The following CCDC88C variants were observed in gnomAD, a reference collection of about 807,000 sequenced individuals.
The protein encoded by CCDC88C is coiled-coil and HOOK domain protein 88C.
CCDC88C carries 131 observed loss-of-function variants against 198.8 expected under a neutral mutation model. The observed-to-expected ratio is 0.66, with a 90% CI of 0.57 to 0.76. CCDC88C has a LOEUF of 0.76. Ranked by LOEUF, CCDC88C falls within the 30% of genes least tolerant of loss-of-function variation. CCDC88C has a pLI of 0.00. For missense variants in CCDC88C, 2,553 were observed against 2,631.6 expected (o/e 0.97, Z 0.65); for synonymous variants, 1,166 against 1,114.7 (o/e 1.05, Z -0.92).
Position 91,305,945 on chromosome 14 carries a change from T to A in CCDC88C, c.3196-19A>T. 6.2e-7 allele frequency: 1 copy of A among 1,607,710 alleles called. No homozygotes were observed. Among genetic ancestry groups the A allele is most frequent in the Non-Finnish European group, 8.5e-7 (1 of 1,176,864 alleles). The stretch of plus-strand genomic sequence containing the variant: ...CTGCATTCTAGAAGATCGGGAGGCA[T>A]GAGCGAATCAAACTCCAACTGGGTA... On this transcript the variant is annotated intron_variant, in intron 18 of 29. Coordinates refer to ENST00000389857, the MANE Select transcript of CCDC88C (RefSeq NM_001080414.4).
At chr14:91,378,107 C>A (rs1884563442) in intron 3 of CCDC88C, among the ~76,000 whole-genome samples, 1 of 152,184 alleles carries the variant, frequency 6.6e-6, no homozygotes, top group African/African-American at 2.4e-5. Context: ...AAGACACACG[C>A]ACATGTGGAA....
chr14:91,388,592 C>T (rs1214748090), intron 3 of CCDC88C, among the ~76,000 whole-genome samples: 1 of 152,196 alleles, frequency 6.6e-6, no homozygotes, highest in Non-Finnish European at 1.5e-5. Flanking sequence ...TTAACTCAGA[C>T]GCTCACAGTA....
intron 3 of CCDC88C, among the ~76,000 whole-genome samples, chr14:91,372,856 G>A (rs897293621): frequency 3.3e-5 from 5 of 152,172 alleles, no homozygotes; most frequent in African/African-American, 4.8e-5. Flanking sequence ...TTAACCTAGC[G>A]ACAATCAAGC....
chr14:91,416,852 G>A lies in CCDC88C; in HGVS notation c.61-14C>T. 1 of 1,588,346 alleles carries A rather than the reference G, an allele frequency of 6.3e-7. No homozygotes were observed. The highest frequency in any genetic ancestry group is 8.6e-7 in the Non-Finnish European group (1 of 1,159,160). Reference sequence around the variant, plus strand: ...AAAAGTTTTCACCTGCGGGGAGGGGGACGAGGAGAGAAAGACAGGAAGTCA... The same window carrying A: ...AAAAGTTTTCACCTGCGGGGAGGGGAACGAGGAGAGAAAGACAGGAAGTCA... On this transcript the variant is annotated splice_polypyrimidine_tract_variant and intron_variant, in intron 1 of 29. Transcript: ENST00000389857.
intron 4 of CCDC88C, among the ~76,000 whole-genome samples, chr14:91,350,414 G>C (rs1166280367): frequency 6.6e-6 from 1 of 152,098 alleles, no homozygotes; most frequent in Non-Finnish European, 1.5e-5. Flanking sequence ...CATCCGTCTT[G>C]GCCTCCCAAA....
At chr14:91,326,812 C>G (rs1284636257) in intron 10 of CCDC88C, among the ~76,000 whole-genome samples, 2 of 152,216 alleles carry the variant, frequency 1.3e-5, no homozygotes, top group African/African-American at 2.4e-5. Context: ...CTGCTCCTAT[C>G]TGAGTATCTT....
At chr14:91,311,674 G>A (rs2139800561) in intron 15 of CCDC88C, among the ~76,000 whole-genome samples, 1 of 152,330 alleles carries the variant, frequency 6.6e-6, no homozygotes, top group East Asian at 1.9e-4. Context: ...CCACTCAGCT[G>A]CTGAAGCCAT....
rs372411289 is a variant in CCDC88C at position 91,337,996 on chromosome 14, G to A, written c.1050+9C>T. 2.0e-4 allele frequency: 316 copies of A among 1,609,204 alleles called. No homozygotes were observed. The highest frequency in any genetic ancestry group is 2.6e-4 in the Non-Finnish European group (301 of 1,179,848). The stretch of plus-strand genomic sequence containing the variant: ...CCCCATCCAGGGGCCTCACAGCAAG[G>A]CTCCCTACCTCCATGCGGGCCTTGT... On this transcript the variant is annotated intron_variant, in intron 10 of 29. Transcript: ENST00000389857.
At chr14:91,297,569 T>C in intron 21 of CCDC88C, 78 bp from the exon 22 acceptor site, 1 of 1,431,158 alleles carries the variant, frequency 7.0e-7, no homozygotes, top group Non-Finnish European at 9.5e-7. Flanking sequence ...CTGGGCTATG[T>C]CCCAGCTCTG....
Position 91,288,938 on chromosome 14 carries a change from G to A in CCDC88C, c.4441+167C>T, listed in dbSNP as rs890611757. Reference sequence around the variant, plus strand: ...TAACAAAAGCATTATGGGACAAAACGGTCGCCACGCTGAATTTCTACTTGG... The same window carrying A: ...TAACAAAAGCATTATGGGACAAAACAGTCGCCACGCTGAATTTCTACTTGG... On this transcript the variant is annotated intron_variant, in intron 25 of 29. Transcript: ENST00000389857. The surrounding 1 kb of genome is among the most constrained non-coding windows in gnomAD (Gnocchi z 4.2). The A allele has an allele frequency of 8.5e-6, 5 of 591,708 alleles. No individual in the cohort carries two copies. Among genetic ancestry groups the A allele is most frequent in the South Asian group, 4.3e-5 (2 of 46,382 alleles). 36.7% of individuals were successfully genotyped at this position (591,708 alleles called of 1,614,324 possible).
At chr14:91,369,800 C>T (rs1013146680) in intron 3 of CCDC88C, among the ~76,000 whole-genome samples, 2 of 152,176 alleles carry the variant, frequency 1.3e-5, no homozygotes, top group Non-Finnish European at 2.9e-5. Flanking sequence ...CACCTCATTT[C>T]GATTAATCCT....
In CCDC88C at chr14:91,283,413, C is replaced by G. The variant is rs1890281909; in HGVS notation, c.4546G>C (p.Gly1516Arg). The G allele has an allele frequency of 1.2e-6, 2 of 1,613,676 alleles. No homozygotes were observed. Among genetic ancestry groups the G allele is most frequent in the East Asian group, 4.5e-5 (2 of 44,872 alleles). ...GCTGAAGTTGAGCAAGTCCGGGAGCCCAGCTCCGAGGGCCAGGACCTCATG... is the reference window on the plus strand; with the variant it reads ...GCTGAAGTTGAGCAAGTCCGGGAGCGCAGCTCCGAGGGCCAGGACCTCATG... Reference protein sequence around the residue: ...LAMRSWPSELGSRTCSTSATT... With the variant: ...LAMRSWPSELRSRTCSTSATT... The change falls in exon 26 of 30, where the codon GGC (glycine) becomes CGC (arginine). Residue 1516 changes from glycine (G) to arginine (R), a missense_variant. This residue lies in a region of CCDC88C where 1,293 missense variants were observed against 1,219.6 expected (regional missense o/e 1.06). Transcript: ENST00000389857.
At chr14:91,379,538 T>C (rs539132567) in intron 3 of CCDC88C, 1 of 480,130 alleles carries the variant, frequency 2.1e-6, no homozygotes, top group Admixed American at 3.7e-5. Context: ...TCTACTCCGG[T>C]GTTTCTCACT....
chr14:91,386,975 C>T (rs1427341585), intron 3 of CCDC88C, among the ~76,000 whole-genome samples: 3 of 152,210 alleles, frequency 2.0e-5, no homozygotes, highest in African/African-American at 7.2e-5. Flanking sequence ...AAGCGCCCAG[C>T]ACCATTCTAA....
At position 91,338,928 on chromosome 14, in the gene CCDC88C, G is replaced by C; in HGVS notation, c.809+350C>G. 1 of 477,522 alleles carries C rather than the reference G, an allele frequency of 2.1e-6. No individual in the cohort carries two copies. The highest frequency in any genetic ancestry group is 2.1e-5 in the South Asian group (1 of 46,828). The allele number at this position is 477,522 out of a possible 1,614,324, so 29.6% of individuals were successfully genotyped here. On this transcript the variant is annotated intron_variant, in intron 8 of 29. Transcript: ENST00000389857. This position sits in a 1 kb window ranked among gnomAD's most constrained non-coding sequence, Gnocchi z 4.8. ...GAGAACAGGCTCACCAGATTGGAGG[G>C]AAGGAGGGGCACCTCATCCCTCCAG...
Position 91,284,596 on chromosome 14 carries a change from G to A in CCDC88C, c.4442-1079C>T, listed in dbSNP as rs1026902903. ...AAAGCACAATTCCAACAGCATGCGC[G>A]GAAGGCAGGTCTGGAGGACCCGGCA... On this transcript the variant is annotated intron_variant, in intron 25 of 29. Transcript: ENST00000389857. The surrounding 1 kb of genome is among the most constrained non-coding windows in gnomAD (Gnocchi z 4.1). Among the ~76,000 whole-genome samples, 2 of 152,216 alleles carry A rather than the reference G, an allele frequency of 1.3e-5. No individual in the cohort carries two copies. Among genetic ancestry groups the A allele is most frequent in the African/African-American group, 4.8e-5 (2 of 41,454 alleles).
Position 91,326,059 on chromosome 14 carries a change from G to C in CCDC88C, c.1051-3C>G. ...ATGATATTATCTTCTCTCAGCTCCT[G>C]GTTAGCAAAAACATACATGAGAACC... On this transcript the variant is annotated splice_polypyrimidine_tract_variant and splice_region_variant and intron_variant, in intron 10 of 29. Coordinates refer to ENST00000389857, the MANE Select transcript of CCDC88C (RefSeq NM_001080414.4). 1 of 1,607,276 alleles carries C rather than the reference G, an allele frequency of 6.2e-7. No individual in the cohort carries two copies.
chr14:91,283,602 C>T, intron 25 of CCDC88C, 85 bp from the exon 26 acceptor site: 1 of 1,325,004 alleles, frequency 7.5e-7, no homozygotes, highest in South Asian at 1.4e-5. Context: ...AGAAGCAGGG[C>T]AGCAGGGCAT....
intron 29 of CCDC88C, among the ~76,000 whole-genome samples, chr14:91,275,922 C>T (rs10083377): frequency 0.87 from 129,801 of 148,568 alleles, 57,079 homozygotes; most frequent in Non-Finnish European, 0.9. Flanking sequence ...CCCGGGTTCA[C>T]GCCATTCTCC....
Sources: allele counts gnomAD v4.1 joint callset (sites outside exome capture counted in the v4.1 genomes callset), GRCh38; gene constraint gnomAD v4.1.1; regional missense constraint gnomAD v4.1.1; non-coding constraint Gnocchi (gnomAD v3.1); transcripts MANE v1.5; gene names NCBI Gene and HGNC (gene_info 2026-07-23, HGNC 2026-07-21).